SYCE1: variants seen among roughly 807,000 people sequenced by gnomAD.
SYCE1 encodes cancer/testis antigen 76.
A neutral mutation model predicts 55.1 loss-of-function variants in SYCE1; 37 were observed. The observed-to-expected ratio is 0.67, with a 90% CI of 0.52 to 0.88. SYCE1 has a LOEUF of 0.88. Among genes scored for constraint, SYCE1 ranks in the 40% least tolerant of loss-of-function variants. SYCE1 has a pLI of 0.00. For missense variants in SYCE1, 399 were observed against 416.4 expected (o/e 0.96, Z 0.36); for synonymous variants, 163 against 159.4 (o/e 1.02, Z -0.17).
chr10:133,564,895 A>G (rs554202978), intron 1 of SYCE1, among the ~76,000 whole-genome samples: 29 of 152,282 alleles, frequency 1.9e-4, no homozygotes, highest in African/African-American at 6.7e-4. Context: ...CTTCTGTACA[A>G]CTCTGACCAG....
downstream of SYCE1, chr10:133,554,619 C>A (rs1214554548): frequency 1.4e-6 from 1 of 713,748 alleles, no homozygotes; most frequent in Admixed American, 1.9e-5. Context: ...TTTTGAACCC[C>A]AGCTCACTGA....
chr10:133,567,008 G>C (rs2133638578), upstream of SYCE1, among the ~76,000 whole-genome samples: 1 of 151,944 alleles, frequency 6.6e-6, no homozygotes, highest in South Asian at 2.1e-4. Context: ...TAGGATTTGT[G>C]GTTACGGTTC....
chr10:133,565,596 G>T (rs368561830), upstream of SYCE1: 8,916 of 1,484,430 alleles, frequency 6.0e-3, 97 homozygotes, highest in South Asian at 0.025. Flanking sequence ...AGCAACCGCC[G>T]CTGGGGGCAG....
upstream of SYCE1, among the ~76,000 whole-genome samples, chr10:133,565,888 G>A (rs1438702152): frequency 6.6e-6 from 1 of 152,222 alleles, no homozygotes; most frequent in Non-Finnish European, 1.5e-5. Flanking sequence ...GAAGCTTCCT[G>A]TGAAGTGTGC....
chr10:133,555,099 G>A lies in SYCE1; in HGVS notation c.949C>T (p.Pro317Ser), dbSNP rs1313001903. ...ASPKPLKGER[P>S]GAAHQAGPDV... ...GGCCCTGCTTGGTGTGCAGCTCCAG[G>A]TCTTTCTCCTTTTAGGGGCTTGGGA... The change falls in exon 13 of 13, where the codon CCT becomes TCT. Residue 317 changes from proline to serine, a missense_variant. Pro to Ser is a moderately conservative substitution (Grantham distance 74, BLOSUM62 -1). Transcript: ENST00000343131. 5 of 1,550,826 alleles carry A rather than the reference G, an allele frequency of 3.2e-6. No homozygotes were observed. Among genetic ancestry groups the A allele is most frequent in the South Asian group, 1.2e-5 (1 of 83,980 alleles).
chr10:133,559,932 CA>C, intron 2 of SYCE1, 158 bp downstream of exon 2: 1 of 668,494 alleles, frequency 1.5e-6, no homozygotes, highest in Non-Finnish European at 2.5e-6. Flanking sequence ...AATTTTGAAA[CA>C]TGGGGCCCTA....
At chr10:133,559,208 C>T in intron 3 of SYCE1, 93 bp downstream of exon 3, 2 of 1,397,478 alleles carry the variant, frequency 1.4e-6, no homozygotes, top group Non-Finnish European at 1.0e-6. Context: ...TAACCAGTAA[C>T]TTTGGAACAA....
chr10:133,554,798 G>A (rs1589963519), downstream of SYCE1: 23 of 1,466,176 alleles, frequency 1.6e-5, no homozygotes, highest in Admixed American at 7.8e-5. Flanking sequence ...CTCTGCCTGC[G>A]GACCCAGAAG....
At chr10:133,568,255 C>T (rs1851996965), upstream of SYCE1, 4 of 1,423,272 alleles carry the variant, frequency 2.8e-6, no homozygotes, top group African/African-American at 2.8e-5. Flanking sequence ...CTCCAGGCCG[C>T]GTTCCCCGGG....
chr10:133,558,285 G>A, intron 4 of SYCE1, 71 bp from the exon 5 acceptor site: 2 of 1,553,518 alleles, frequency 1.3e-6, no homozygotes, highest in Non-Finnish European at 1.8e-6. Context: ...CTTGCTCACG[G>A]TCACATGGGA....
Position 133,555,413 on chromosome 10 carries a change from CA to C in SYCE1, c.855del (p.His285GlnfsTer28). On this transcript the variant is annotated frameshift_variant, in exon 12 of 13. Coordinates refer to ENST00000343131, the MANE Select transcript of SYCE1 (RefSeq NM_001143764.3). LOFTEE classifies it high-confidence loss of function. ...TGGGCTTGGGCAGGGACTTGCATTC[CA>C]TGCTTTTCCAGCTCTTCCTTCAGCC... ...RQRLKEELEKHGMQVPAQAQS... is the reference protein window; with the variant it reads ...RQRLKEELEKXGMQVPAQAQS... The C allele has an allele frequency of 6.2e-7, 1 of 1,614,132 alleles. No homozygotes were observed. Among genetic ancestry groups the C allele is most frequent in the Non-Finnish European group, 8.5e-7 (1 of 1,180,024 alleles).
At chr10:133,561,947 A>G (rs1469907621) in intron 1 of SYCE1, among the ~76,000 whole-genome samples, 2 of 152,004 alleles carry the variant, frequency 1.3e-5, no homozygotes, top group African/African-American at 2.4e-5. Flanking sequence ...AAAGGAAAAA[A>G]GGGGGGGAAG....
At chr10:133,567,140 G>T (rs1281791974), upstream of SYCE1, among the ~76,000 whole-genome samples, 1 of 151,406 alleles carries the variant, frequency 6.6e-6, no homozygotes, top group East Asian at 1.9e-4. Context: ...TGAGGTTAGG[G>T]TTAGGGGTCA....
rs1851625777 is a variant in SYCE1, at chr10:133,555,139, G to A, written c.919-10C>T. The A allele has an allele frequency of 6.5e-7, 1 of 1,544,666 alleles. No individual in the cohort carries two copies. The highest frequency in any genetic ancestry group is 8.7e-7 in the Non-Finnish European group (1 of 1,144,582). On this transcript the variant is annotated splice_polypyrimidine_tract_variant and intron_variant, in intron 12 of 12. Transcript: ENST00000343131. ...GGGGCTTGGGACTGGCCTGCAGGAG[G>A]TTAGTGTCCAGGGTGGGAATTTACA... is the stretch of plus-strand genomic sequence containing the variant.
chr10:133,554,827 G>A (rs1851611715), downstream of SYCE1: 3 of 1,453,180 alleles, frequency 2.1e-6, no homozygotes, highest in Non-Finnish European at 1.8e-6. Context: ...AGGTACCAGA[G>A]ATGAGCAATC....
intron 1 of SYCE1, among the ~76,000 whole-genome samples, chr10:133,562,759 C>T (rs537536118): frequency 2.0e-5 from 3 of 152,218 alleles, no homozygotes; most frequent in South Asian, 2.1e-4. Flanking sequence ...TCCATGTGGT[C>T]GAGCCTCATA....
At chr10:133,557,580 T>G in intron 6 of SYCE1, 1 of 533,126 alleles carries the variant, frequency 1.9e-6, no homozygotes. Flanking sequence ...GACAGATGAG[T>G]GAATAGACAT....
chr10:133,561,754 TG>T (rs1851819199), intron 1 of SYCE1, among the ~76,000 whole-genome samples: 2 of 17,122 alleles, frequency 1.2e-4, no homozygotes, highest in Non-Finnish European at 6.6e-4. Flanking sequence ...TTTGCTTAAC[TG>T]GTATTTTTTT....
chr10:133,557,574 G>T (rs1012419585), intron 6 of SYCE1: 21 of 530,856 alleles, frequency 4.0e-5, no homozygotes, highest in African/African-American at 3.8e-4. Context: ...TGAACAGACA[G>T]ATGAGTGAAT....
Sources: allele counts gnomAD v4.1 joint callset (sites outside exome capture counted in the v4.1 genomes callset), GRCh38; gene constraint gnomAD v4.1.1; transcripts MANE v1.5; gene names NCBI Gene and HGNC (gene_info 2026-07-23, HGNC 2026-07-21).